The following NMT2 variants were observed in gnomAD, a reference collection of about 807,000 sequenced individuals.
The protein encoded by NMT2 is glycylpeptide N-tetradecanoyltransferase 2.
A neutral mutation model predicts 65.4 loss-of-function variants in NMT2; 35 were observed. The observed-to-expected ratio is 0.54, with a 90% CI of 0.41 to 0.71. The LOEUF (loss-of-function observed/expected upper bound fraction) is 0.71. NMT2 is among the 30% of genes least tolerant of loss of function. The pLI, the probability that NMT2 is intolerant of heterozygous loss-of-function variation, is 0.00. For synonymous variants in NMT2, 226 were observed against 231.8 expected, an observed-to-expected ratio of 0.98 and a Z score of 0.23; for missense variants, 489 against 611.3, an observed-to-expected ratio of 0.80 and a Z score of 2.11.
intron 8 of NMT2, among the ~76,000 whole-genome samples, chr10:15,123,816 C>G (rs1334939715): frequency 2.0e-5 from 3 of 152,130 alleles, no homozygotes; most frequent in Admixed American, 1.3e-4. Flanking sequence ...ATTCATGGGC[C>G]TCTACGTAGA....
At chr10:15,113,174 G>C (rs1845624232) in intron 9 of NMT2, among the ~76,000 whole-genome samples, 1 of 152,086 alleles carries the variant, frequency 6.6e-6, no homozygotes, top group Non-Finnish European at 1.5e-5. Flanking sequence ...GCCCATTGGT[G>C]ATTTGCACAA....
In NMT2 at chr10:15,168,486, C is replaced by A; in HGVS notation, c.110+17G>T. 6.4e-7 allele frequency: 1 copy of A among 1,567,432 alleles called. No individual in the cohort carries two copies. The highest frequency in any genetic ancestry group is 8.6e-7 in the Non-Finnish European group (1 of 1,156,612). ...CCCCGCCCTGTCGCGCCCGGTGCGC[C>A]AGCGCGCCGCCCCTACCCTTTGGCG... is the stretch of plus-strand genomic sequence containing the variant. On this transcript the variant is annotated intron_variant, in intron 1 of 11. Coordinates refer to ENST00000378165, the MANE Select transcript of NMT2 (RefSeq NM_004808.3).
chr10:15,164,090 A>G (rs1013696283), intron 1 of NMT2, among the ~76,000 whole-genome samples: 19 of 150,766 alleles, frequency 1.3e-4, no homozygotes, highest in Non-Finnish European at 2.7e-4. Flanking sequence ...AGCTGAGGCA[A>G]GAGAATGGCG....
intron 1 of NMT2, among the ~76,000 whole-genome samples, chr10:15,162,115 G>C (rs1390749556): frequency 6.6e-6 from 1 of 152,032 alleles, no homozygotes; most frequent in Non-Finnish European, 1.5e-5. Flanking sequence ...AGCCAGGTGT[G>C]GTGGCATGTG....
At chr10:15,133,386 A>C (rs1421996001) in intron 3 of NMT2, 23 bp from the exon 4 acceptor site, 1 of 1,547,470 alleles carries the variant, frequency 6.5e-7, no homozygotes, top group East Asian at 2.2e-5. Flanking sequence ...AGAAAGAGAA[A>C]AAAGAAAGGC....
At chr10:15,167,941 C>T (rs1833429120) in intron 1 of NMT2, among the ~76,000 whole-genome samples, 1 of 152,208 alleles carries the variant, frequency 6.6e-6, no homozygotes, top group South Asian at 2.1e-4. Context: ...CCGGGACCCC[C>T]TCGGCGCCAG....
Position 15,106,639 on chromosome 10 carries a change from C to T in NMT2, c.*2556G>A, listed in dbSNP as rs539662659. On this transcript the variant is annotated 3_prime_UTR_variant, in exon 12 of 12. Coordinates refer to ENST00000378165, the MANE Select transcript of NMT2 (RefSeq NM_004808.3). Reference sequence around the variant, plus strand: ...AGCTGTGGGTTGGTCTTTAGAATCACGGCAACCTATAGAAAGGAGAGTTCC... The same window carrying T: ...AGCTGTGGGTTGGTCTTTAGAATCATGGCAACCTATAGAAAGGAGAGTTCC... 3.2e-5 allele frequency: 32 copies of T among 985,392 alleles called. No homozygotes were observed. In the South Asian group the frequency reaches 1.3e-3, roughly 39 times the overall value. The allele number at this position is 985,392 out of a possible 1,614,324, so 61.0% of individuals were successfully genotyped here.
intron 1 of NMT2, among the ~76,000 whole-genome samples, chr10:15,146,127 C>T (rs1846956156): frequency 1.3e-5 from 2 of 152,184 alleles, no homozygotes; most frequent in Non-Finnish European, 2.9e-5. Flanking sequence ...CAGGGTTTCA[C>T]TTGAAAGGTC....
At chr10:15,157,594 T>C (rs188603436) in intron 1 of NMT2, among the ~76,000 whole-genome samples, 15 of 152,090 alleles carry the variant, frequency 9.9e-5, no homozygotes, top group East Asian at 9.7e-4. Flanking sequence ...AGAAAAGAGA[T>C]GATTAAGCCA....
At chr10:15,143,205 T>C (rs1428977039) in intron 1 of NMT2, among the ~76,000 whole-genome samples, 2 of 152,200 alleles carry the variant, frequency 1.3e-5, no homozygotes, top group African/African-American at 4.8e-5. Flanking sequence ...CTACTGCAAC[T>C]TACTATCAAG....
At chr10:15,110,983 G>C (rs182866686) in intron 10 of NMT2, among the ~76,000 whole-genome samples, 4 of 151,790 alleles carry the variant, frequency 2.6e-5, no homozygotes, top group Non-Finnish European at 5.9e-5. Flanking sequence ...AGTAGAGACC[G>C]GGTTTCACCG....
chr10:15,168,316 C>G, intron 1 of NMT2, 187 bp downstream of exon 1: 1 of 525,316 alleles, frequency 1.9e-6, no homozygotes, highest in Non-Finnish European at 3.3e-6. Flanking sequence ...CCTCGCCTCC[C>G]CGCGCACTGC....
In NMT2 at chr10:15,109,048, CAT is replaced by C. The variant is rs1313165301; in HGVS notation, c.*145_*146del. 2.7e-5 allele frequency: 41 copies of C among 1,497,144 alleles called. No individual in the cohort carries two copies. The highest frequency in any genetic ancestry group is 1.5e-4 in the East Asian group (6 of 39,912). 92.7% of individuals were successfully genotyped at this position (1,497,144 alleles called of 1,614,324 possible). On this transcript the variant is annotated 3_prime_UTR_variant, in exon 12 of 12. Transcript: ENST00000378165. ...TCTAGCTAGAAACGTACAAATGTCACATGTGGACTTTTGTCATCTTTTCTGAT... is the reference window on the plus strand; with the variant it reads ...TCTAGCTAGAAACGTACAAATGTCACGTGGACTTTTGTCATCTTTTCTGAT...
chr10:15,168,685 C>G lies in NMT2; in HGVS notation c.-73G>C, dbSNP rs998545049. 9.5e-6 allele frequency: 11 copies of G among 1,156,838 alleles called. No individual in the cohort carries two copies. The highest frequency in any genetic ancestry group is 1.4e-5 in the South Asian group (1 of 69,158). 71.7% of individuals were successfully genotyped at this position (1,156,838 alleles called of 1,614,324 possible). Reference sequence around the variant, plus strand: ...GGCCGCAGCTCCCTCTAGTGCCTCCCGCCGTACTGCTTGGAGTCGGAGCCC... The same window carrying G: ...GGCCGCAGCTCCCTCTAGTGCCTCCGGCCGTACTGCTTGGAGTCGGAGCCC... On this transcript the variant is annotated 5_prime_UTR_variant, in exon 1 of 12. Coordinates refer to ENST00000378165, the MANE Select transcript of NMT2 (RefSeq NM_004808.3).
intron 2 of NMT2, among the ~76,000 whole-genome samples, chr10:15,137,739 T>C (rs1392673389): frequency 6.6e-6 from 1 of 152,212 alleles, no homozygotes; most frequent in African/African-American, 2.4e-5. Flanking sequence ...TTTTGTTCCT[T>C]GATTTCTTTC....
At chr10:15,112,993 T>G in intron 9 of NMT2, 30 bp from the exon 10 acceptor site, 1 of 1,609,202 alleles carries the variant, frequency 6.2e-7, no homozygotes, top group Middle Eastern at 1.7e-4. Context: ...CAGACAGAGA[T>G]CTCCTTGAAC....
intron 7 of NMT2, among the ~76,000 whole-genome samples, chr10:15,129,147 C>T (rs554674830): frequency 4.2e-4 from 64 of 152,284 alleles, no homozygotes; most frequent in African/African-American, 1.5e-3. Context: ...CTTTTACAGC[C>T]TACACACCAA....
At chr10:15,112,063 A>C (rs959613397) in intron 10 of NMT2, among the ~76,000 whole-genome samples, 1 of 149,480 alleles carries the variant, frequency 6.7e-6, no homozygotes, top group Non-Finnish European at 1.5e-5. Context: ...TTAATTTTAA[A>C]ATTCAGAGAC....
chr10:15,113,043 C>T, intron 9 of NMT2, 80 bp from the exon 10 acceptor site: 1 of 1,416,242 alleles, frequency 7.1e-7, no homozygotes, highest in South Asian at 1.2e-5. Flanking sequence ...TGTTCTCTCC[C>T]TTGCCCCAGA....
Sources: allele counts gnomAD v4.1 joint callset (sites outside exome capture counted in the v4.1 genomes callset), GRCh38; gene constraint gnomAD v4.1.1; transcripts MANE v1.5; gene names NCBI Gene and HGNC (gene_info 2026-07-23, HGNC 2026-07-21).